Variants in GNAT2 observed in about 807,000 individuals in gnomAD.
GNAT2 encodes the protein G protein subunit alpha transducin 2.
A neutral mutation model predicts 40.9 loss-of-function variants in GNAT2; 32 were observed. The observed-to-expected ratio is 0.78, with a 90% CI of 0.59 to 1.05. GNAT2 has a LOEUF of 1.05. Ranked by LOEUF, GNAT2 falls within the 50% of genes least tolerant of loss-of-function variation. GNAT2 has a pLI of 0.00. For missense variants in GNAT2, 355 were observed against 431.5 expected (o/e 0.82, Z 1.57); for synonymous variants, 141 against 157.2 (o/e 0.90, Z 0.77).
Position 109,613,247 on chromosome 1 carries a change from C to T in GNAT2, c.-53-324G>A, listed in dbSNP as rs1367021855. On this transcript the variant is annotated intron_variant, in intron 1 of 8. Coordinates refer to ENST00000679935, the MANE Select transcript of GNAT2 (RefSeq NM_001377295.2). ...GGATAGGATGCACGACTACTTCCAT[C>T]CTTTAAGGGGTTCATCCCCTGAAAG... The T allele has an allele frequency of 6.3e-6, 2 of 319,670 alleles. 1 individual carries two copies. Among genetic ancestry groups the T allele is most frequent in the South Asian group, 5.4e-5 (2 of 36,712 alleles). 19.8% of individuals were successfully genotyped at this position (319,670 alleles called of 1,614,324 possible).
At position 109,603,304 on chromosome 1, in the gene GNAT2, C is replaced by G. The variant is rs116688317; in HGVS notation, c.*50G>C. 4.1e-3 allele frequency: 4,217 copies of G among 1,020,898 alleles called. 11 individuals are homozygous for G. Among genetic ancestry groups the G allele is most frequent in the Non-Finnish European group, 5.9e-3 (3,772 of 641,846 alleles). 63.2% of individuals were successfully genotyped at this position (1,020,898 alleles called of 1,614,324 possible). A position where few individuals can be genotyped will look rare whatever the true frequency, so the allele number is the denominator to read the frequency against. ...GACTATAATTTTCTGTTTTTAATTA[C>G]CCAGATTCCAAGCCTGTTTATAGAA... On this transcript the variant is annotated 3_prime_UTR_variant, in exon 9 of 9. Coordinates refer to ENST00000679935, the MANE Select transcript of GNAT2 (RefSeq NM_001377295.2).
chr1:109,616,624 A>G (rs1649957657), intron 1 of GNAT2: 1 of 152,268 alleles, frequency 6.6e-6, no homozygotes, highest in African/African-American at 2.4e-5. Flanking sequence ...TGGGAAATTC[A>G]GAGCTGTTTA....
At position 109,610,711 on chromosome 1, in the gene GNAT2, C is replaced by T. The variant is rs1460714000; in HGVS notation, c.119-204G>A. 2.7e-5 allele frequency: 17 copies of T among 637,158 alleles called. No individual in the cohort carries two copies. The Middle Eastern group carries it at 1.3e-3, about 47-fold the overall frequency. 39.5% of individuals were successfully genotyped at this position (637,158 alleles called of 1,614,324 possible). A position where few individuals can be genotyped will look rare whatever the true frequency, so the allele number is the denominator to read the frequency against. ...TTAGAGCAGTTTCTTAACTTCAGTA[C>T]TATTTAGTTTGGGCTGTCTCATGCA... is the stretch of plus-strand genomic sequence containing the variant. On this transcript the variant is annotated intron_variant, in intron 2 of 8. Transcript: ENST00000679935.
intron 7 of GNAT2, chr1:109,605,091 G>C (rs1364622641): frequency 6.6e-6 from 1 of 152,416 alleles, no homozygotes; most frequent in South Asian, 2.1e-4. Flanking sequence ...AGAACAAGCT[G>C]TGGCAAGGGA....
chr1:109,608,254 G>A lies in GNAT2; in HGVS notation c.461+377C>T, dbSNP rs116781796. ...CCATCATGAATCACATTACTCCTGCGAGAGTGTATGACAGAACTGCAGGGC... is the reference window on the plus strand; with the variant it reads ...CCATCATGAATCACATTACTCCTGCAAGAGTGTATGACAGAACTGCAGGGC... On this transcript the variant is annotated intron_variant, in intron 5 of 8. Coordinates refer to ENST00000679935, the MANE Select transcript of GNAT2 (RefSeq NM_001377295.2). The A allele has an allele frequency of 8.9e-3, 2,890 of 326,400 alleles. 25 individuals carry two copies. The highest frequency in any genetic ancestry group is 0.013 in the Non-Finnish European group (2,128 of 168,144). 20.2% of individuals were successfully genotyped at this position (326,400 alleles called of 1,614,324 possible).
At chr1:109,606,621 A>G in intron 5 of GNAT2, 185 bp from the exon 6 acceptor site, 1 of 589,662 alleles carries the variant, frequency 1.7e-6, no homozygotes. Flanking sequence ...GAAATGGGGG[A>G]TGGACTGAGG....
At chr1:109,603,869 G>T in intron 8 of GNAT2, 82 bp downstream of exon 8, 2 of 1,027,638 alleles carry the variant, frequency 1.9e-6, no homozygotes, top group Non-Finnish European at 3.1e-6. Flanking sequence ...AAGTTCCTTT[G>T]TGTCATCTTG....
intron 5 of GNAT2, 135 bp downstream of exon 5, chr1:109,608,496 C>T (rs1376206035): frequency 4.9e-6 from 4 of 810,786 alleles, no homozygotes; most frequent in African/African-American, 1.7e-5. Context: ...AACAGATCCA[C>T]AGGCTGAATT....
intron 1 of GNAT2, chr1:109,613,963 G>A (rs1056939271): frequency 2.6e-5 from 4 of 152,206 alleles, no homozygotes; most frequent in African/African-American, 7.2e-5. Context: ...GGAAAAATGA[G>A]GGTGCAGTCT....
rs1172831409 is a variant in GNAT2 at position 109,608,702 on chromosome 1, C to T, written c.390G>A (p.Leu130=). 2 of 1,613,978 alleles carry T rather than the reference C, an allele frequency of 1.2e-6. No individual in the cohort carries two copies. Among genetic ancestry groups the T allele is most frequent in the Admixed American group, 3.3e-5 (2 of 60,028 alleles). The change falls in exon 5 of 9, where the codon TTG becomes TTA. Residue 130 remains leucine (L), a synonymous_variant. Transcript: ENST00000679935. ...AGGCTTGCACCCCACCATCCTTCCA[C>T]AACCTCCTAATGACCTCCACGAGCT... ...PPELVEVIRR[L]WKDGGVQACF... is the part of the protein sequence containing the mutation.
chr1:109,609,908 C>T, intron 4 of GNAT2, 132 bp downstream of exon 4: 2 of 901,352 alleles, frequency 2.2e-6, no homozygotes, highest in East Asian at 2.4e-5. Context: ...GCAGTGAGAT[C>T]CCACCCAGCA....
intron 5 of GNAT2, chr1:109,606,753 G>A (rs1649609567): frequency 5.8e-6 from 2 of 347,738 alleles, no homozygotes; most frequent in South Asian, 5.0e-5. Context: ...GGTGCTAAAA[G>A]TTCCATCAAG....
At chr1:109,615,077 AATT>A (rs1649912068) in intron 1 of GNAT2, 2 of 152,206 alleles carry the variant, frequency 1.3e-5, no homozygotes, top group South Asian at 4.1e-4. Flanking sequence ...AACTATTAAT[AATT>A]ATTATGTTAT....
intron 1 of GNAT2, chr1:109,613,802 A>G (rs976105799): frequency 6.6e-6 from 1 of 152,190 alleles, no homozygotes; most frequent in African/African-American, 2.4e-5. Flanking sequence ...TCACTTCATA[A>G]ATGAACTTTG....
chr1:109,604,070 C>T lies in GNAT2; in HGVS notation c.755G>A (p.Ser252Asn), dbSNP rs1649519316. ...CGCAAAGAATTTGTGGTTACATATG[C>T]TGTTGAACAGATGCAAAGACTCATG... Reference protein sequence around the residue: ...RMHESLHLFNSICNHKFFAAT... With the variant: ...RMHESLHLFNNICNHKFFAAT... The change falls in exon 8 of 9, where the codon AGC (serine) becomes AAC (asparagine). Residue 252 changes from serine to asparagine, a missense_variant. By Grantham distance (46) the Ser-to-Asn change is conservative (BLOSUM62 1). Coordinates refer to ENST00000679935, the MANE Select transcript of GNAT2 (RefSeq NM_001377295.2). 2 of 1,610,906 alleles carry T rather than the reference C, an allele frequency of 1.2e-6. No individual in the cohort carries two copies. The highest frequency in any genetic ancestry group is 2.7e-5 in the African/African-American group (2 of 74,848).
chr1:109,607,309 G>A (rs915886038), intron 5 of GNAT2: 4 of 152,070 alleles, frequency 2.6e-5, no homozygotes, highest in African/African-American at 9.7e-5. Context: ...AAATTAGCTG[G>A]GCATGGTGGC....
intron 2 of GNAT2, chr1:109,611,488 C>G (rs930552519): frequency 6.6e-6 from 1 of 152,218 alleles, no homozygotes; most frequent in African/African-American, 2.4e-5. Context: ...CCATTTCCCC[C>G]CGCCCCTCCG....
chr1:109,604,297 T>A, intron 7 of GNAT2, 193 bp from the exon 8 acceptor site: 1 of 598,460 alleles, frequency 1.7e-6, no homozygotes. Flanking sequence ...TTCTAATAGC[T>A]GTGTGACTTG....
intron 4 of GNAT2, chr1:109,609,017 C>T (rs557619738): frequency 2.1e-5 from 12 of 566,158 alleles, no homozygotes; most frequent in Non-Finnish European, 3.8e-5. Flanking sequence ...TAAAGCGGGG[C>T]AGGGGTCCCA....
Sources: gnomAD v4.1 joint callset for allele counts on GRCh38, gnomAD v4.1.1 for gene constraint, MANE v1.5 for transcripts, NCBI Gene and HGNC (gene_info 2026-07-23, HGNC 2026-07-21) for gene names.